ZNF385D: variants seen among roughly 807,000 people sequenced by gnomAD.
The protein encoded by ZNF385D is zinc finger protein 659.
In ZNF385D, 15 loss-of-function variants were observed where a neutral mutation model predicts 35.8. The observed-to-expected ratio is 0.42, with a 90% confidence interval of 0.28 to 0.64. The LOEUF (loss-of-function observed/expected upper bound fraction) is 0.64, where lower values mean the gene tolerates loss of function less well. ZNF385D is among the 30% of genes least tolerant of loss of function. The pLI is 0.23. For missense variants in ZNF385D, 474 were observed against 494.6 expected (o/e 0.96, Z 0.39); for synonymous variants, 212 against 186.8 (o/e 1.13, Z -1.10).
chr3:22,226,623 T>C (rs535029962), intron 2 of ZNF385D, among the ~76,000 whole-genome samples: 2 of 152,344 alleles, frequency 1.3e-5, no homozygotes, highest in South Asian at 2.1e-4. Flanking sequence ...CATTTGTTTA[T>C]GATATGCTTT....
chr3:21,523,247 A>G (rs1708029369), intron 3 of ZNF385D, among the ~76,000 whole-genome samples: 2 of 152,214 alleles, frequency 1.3e-5, no homozygotes, highest in South Asian at 4.1e-4. Flanking sequence ...TTGAGAATCT[A>G]AGAGCTAGAG....
chr3:22,175,456 G>T (rs549936449), intron 2 of ZNF385D, among the ~76,000 whole-genome samples: 2 of 148,052 alleles, frequency 1.4e-5, no homozygotes, highest in African/African-American at 4.9e-5. Flanking sequence ...TAGAAAAAAT[G>T]AGAAAAAAAA....
At chr3:21,452,803 A>G (rs73044420) in intron 4 of ZNF385D, among the ~76,000 whole-genome samples, 41,962 of 151,796 alleles carry the variant, frequency 0.28, 6,454 homozygotes, top group East Asian at 0.43. Flanking sequence ...CACATATTCA[A>G]TGGAATCCCT....
intron 3 of ZNF385D, among the ~76,000 whole-genome samples, chr3:22,094,627 C>G (rs933027119): frequency 1.3e-5 from 2 of 151,650 alleles, no homozygotes; most frequent in Admixed American, 6.6e-5. Context: ...CTCAGCCATC[C>G]CAGTGAGAAG....
chr3:22,139,828 C>T (rs1187228047), intron 3 of ZNF385D, among the ~76,000 whole-genome samples: 2 of 151,976 alleles, frequency 1.3e-5, no homozygotes, highest in Admixed American at 6.6e-5. Context: ...CAACAAAACA[C>T]ATGAGAAGAT....
intron 3 of ZNF385D, among the ~76,000 whole-genome samples, chr3:21,529,913 C>T (rs2061883874): frequency 6.6e-6 from 1 of 151,978 alleles, no homozygotes; most frequent in South Asian, 2.1e-4. Context: ...ATGTGTGTTC[C>T]CAACAAATCT....
intron 3 of ZNF385D, among the ~76,000 whole-genome samples, chr3:21,557,368 C>A (rs1294622803): frequency 6.6e-6 from 1 of 152,108 alleles, no homozygotes; most frequent in African/African-American, 2.4e-5. Flanking sequence ...GAGTTTTCAG[C>A]ATGAAGGGGT....
At chr3:21,837,299 A>T (rs916898705) in intron 3 of ZNF385D, among the ~76,000 whole-genome samples, 1 of 152,110 alleles carries the variant, frequency 6.6e-6, no homozygotes, top group Non-Finnish European at 1.5e-5. Flanking sequence ...ACAGCAATTT[A>T]CTATGTCCAG....
intron 7 of ZNF385D, among the ~76,000 whole-genome samples, chr3:21,422,531 CAAAACAA>C (rs1700790506): frequency 6.6e-6 from 1 of 151,816 alleles, no homozygotes; most frequent in African/African-American, 2.4e-5. Flanking sequence ...CTGGCAGAGA[CAAAACAA>C]AAAAACAAAA....
chr3:22,064,595 G>C (rs924441585), intron 3 of ZNF385D, among the ~76,000 whole-genome samples: 3 of 152,172 alleles, frequency 2.0e-5, no homozygotes, highest in Admixed American at 2.0e-4. Context: ...ACAATGGATT[G>C]CTATTCAACC....
chr3:21,991,499 GA>G (rs1214526468), intron 3 of ZNF385D, among the ~76,000 whole-genome samples: 1 of 152,096 alleles, frequency 6.6e-6, no homozygotes, highest in African/African-American at 2.4e-5. Flanking sequence ...GCTAAAATAA[GA>G]AAAAACAATT....
At chr3:22,156,281 A>G (rs960759663) in intron 3 of ZNF385D, among the ~76,000 whole-genome samples, 1 of 152,138 alleles carries the variant, frequency 6.6e-6, no homozygotes, top group African/African-American at 2.4e-5. Context: ...AATTTGGAAT[A>G]AAGTATACAT....
rs1686588542 is a variant in ZNF385D, at chr3:21,437,057, C to T, written c.586G>A (p.Glu196Lys). Residue 196 changes from glutamate (E) to lysine (K), a missense_variant, in exon 5 of 8, where the codon GAG (glutamate) becomes AAG (lysine). Physicochemically the swap from Glu to Lys is moderately conservative, Grantham distance 56 (BLOSUM62 1). Transcript: ENST00000281523. ...AGAAGCCGTTTTGCCTTTTCTTCCT[C>T]GGTCTCAGTAGAAGGACATGAGCTA... ...GNSSCPSTET[E>K]EEKAKRLLYC... 6.2e-7 allele frequency: 1 copy of T among 1,613,998 alleles called. No individual in the cohort carries two copies. Among genetic ancestry groups the T allele is most frequent in the Non-Finnish European group, 8.5e-7 (1 of 1,179,902 alleles).
intron 3 of ZNF385D, among the ~76,000 whole-genome samples, chr3:22,007,565 C>A (rs985408774): frequency 1.3e-5 from 2 of 152,086 alleles, no homozygotes; most frequent in African/African-American, 4.8e-5. Flanking sequence ...AAAATATTGC[C>A]AAATTCCTCC....
Position 22,091,843 on chromosome 3 carries a change from T to A in ZNF385D, c.325+76974A>T, listed in dbSNP as rs140393647. ...TCTCCTTCTTCCTGTTTTTATTTTA[T>A]ATACAAGTGGTAGGTGGTTAACTTT... On this transcript the variant is annotated intron_variant, in intron 3 of 5. Coordinates refer to the ZNF385D transcript ENST00000494108. Among the ~76,000 whole-genome samples the A allele has an allele frequency of 1.6e-4, 25 of 152,350 alleles. No homozygotes were observed. The East Asian group carries it at 3.3e-3, about 20-fold the overall frequency.
intron 4 of ZNF385D, among the ~76,000 whole-genome samples, chr3:21,442,563 T>C (rs2125249686): frequency 6.6e-6 from 1 of 152,286 alleles, no homozygotes; most frequent in Middle Eastern, 3.4e-3. Flanking sequence ...TCTACCACTT[T>C]TATCTCATTT....
intron 2 of ZNF385D, among the ~76,000 whole-genome samples, chr3:22,240,389 A>G (rs1227777165): frequency 1.3e-5 from 2 of 150,748 alleles, no homozygotes; most frequent in East Asian, 2.0e-4. Flanking sequence ...CCCTCTCACT[A>G]TCTTCTTCCT....
At chr3:21,550,612 A>G (rs1404588999) in intron 3 of ZNF385D, among the ~76,000 whole-genome samples, 3 of 152,114 alleles carry the variant, frequency 2.0e-5, no homozygotes, top group Admixed American at 1.3e-4. Flanking sequence ...CCTCCTTAGT[A>G]GCTGGGATTG....
At chr3:22,201,440 A>G (rs1388033188) in intron 2 of ZNF385D, among the ~76,000 whole-genome samples, 2 of 152,192 alleles carry the variant, frequency 1.3e-5, no homozygotes, top group African/African-American at 4.8e-5. Context: ...ATATACATGT[A>G]GAAGAAAGCT....
Sources: allele counts gnomAD v4.1 joint callset (sites outside exome capture counted in the v4.1 genomes callset), GRCh38; gene constraint gnomAD v4.1.1; transcripts MANE v1.5; gene names NCBI Gene and HGNC (gene_info 2026-07-23, HGNC 2026-07-21).